RSPRY1: variants seen among roughly 807,000 people sequenced by gnomAD.
The protein encoded by RSPRY1 is RING finger and SPRY domain-containing protein 1.
A neutral mutation model predicts 73.1 loss-of-function variants in RSPRY1; 23 were observed. The observed-to-expected ratio is 0.31, with a 90% CI of 0.23 to 0.45. RSPRY1 has a LOEUF of 0.45. Among genes scored for constraint, RSPRY1 ranks in the 20% least tolerant of loss-of-function variants. The pLI is 1.00. For missense variants in RSPRY1, 448 were observed against 698.7 expected (o/e 0.64, Z 4.05); for synonymous variants, 226 against 251.4 (o/e 0.90, Z 0.95).
At chr16:57,202,604 A>G (rs2074639765) in intron 1 of RSPRY1, among the ~76,000 whole-genome samples, 1 of 152,104 alleles carries the variant, frequency 6.6e-6, no homozygotes, top group South Asian at 2.1e-4. Context: ...AGCTATTTCC[A>G]GCTGGTCCTT....
intron 1 of RSPRY1, among the ~76,000 whole-genome samples, chr16:57,199,682 A>G (rs2074523696): frequency 6.6e-6 from 1 of 152,130 alleles, no homozygotes; most frequent in Non-Finnish European, 1.5e-5. Flanking sequence ...AGGTTTCTAG[A>G]TAAAGATTTT....
At chr16:57,195,701 T>C (rs1315781522) in intron 1 of RSPRY1, among the ~76,000 whole-genome samples, 6 of 150,800 alleles carry the variant, frequency 4.0e-5, no homozygotes, top group African/African-American at 1.5e-4. Context: ...CTTCACCAGC[T>C]AATGTTGTCT....
intron 11 of RSPRY1, among the ~76,000 whole-genome samples, chr16:57,228,629 T>C (rs1267225721): frequency 1.3e-5 from 2 of 152,164 alleles, no homozygotes; most frequent in Non-Finnish European, 2.9e-5. Context: ...TATATGTATA[T>C]TTTTGTTGTT....
At chr16:57,238,352 AAGTT>A (rs1284256581) in intron 14 of RSPRY1, among the ~76,000 whole-genome samples, 22 of 152,326 alleles carry the variant, frequency 1.4e-4, no homozygotes, top group Non-Finnish European at 2.4e-4. Flanking sequence ...AAAATTCTGA[AAGTT>A]AGGGAGATGA....
At chr16:57,187,998 A>G (rs1178443260) in intron 1 of RSPRY1, among the ~76,000 whole-genome samples, 2 of 152,196 alleles carry the variant, frequency 1.3e-5, no homozygotes, top group African/African-American at 4.8e-5. Flanking sequence ...TTTTGCATAT[A>G]TATATGCATG....
At chr16:57,221,473 A>G (rs1178971763) in intron 10 of RSPRY1, 58 bp downstream of exon 10, 3 of 1,522,836 alleles carry the variant, frequency 2.0e-6, no homozygotes, top group Non-Finnish European at 2.7e-6. Flanking sequence ...TTTTCCCCCT[A>G]GTTGGTGGGT....
At chr16:57,231,987 T>C (rs1220498931) in intron 13 of RSPRY1, among the ~76,000 whole-genome samples, 1 of 152,262 alleles carries the variant, frequency 6.6e-6, no homozygotes, top group African/African-American at 2.4e-5. Context: ...AGACTCCAGC[T>C]GCTTCCTGGT....
Position 57,212,978 on chromosome 16 carries a change from C to T in RSPRY1, c.523C>T (p.Leu175Phe), listed in dbSNP as rs368166957. Reference sequence around the variant, plus strand: ...TTGTACTTTTTTGTTTTAGGATGCACTCCAGAAATTGACTGAAATTCTCAA... The same window carrying T: ...TTGTACTTTTTTGTTTTAGGATGCATTCCAGAAATTGACTGAAATTCTCAA... Reference protein sequence around the residue: ...DECPLPTKDALQKLTEILNLN... With the variant: ...DECPLPTKDAFQKLTEILNLN... Residue 175 changes from leucine (L) to phenylalanine (F), a missense_variant, in exon 5 of 15, where the codon CTC (leucine) becomes TTC (phenylalanine). Leu to Phe is a conservative substitution (Grantham distance 22). Transcript: ENST00000394420. 8 of 1,613,696 alleles carry T rather than the reference C, an allele frequency of 5.0e-6. No homozygotes were observed. The highest frequency in any genetic ancestry group is 1.3e-5 in the African/African-American group (1 of 74,896).
intron 13 of RSPRY1, among the ~76,000 whole-genome samples, chr16:57,233,079 A>G (rs530732361): frequency 6.6e-6 from 1 of 152,322 alleles, no homozygotes; most frequent in East Asian, 1.9e-4. Context: ...ATGTATATTC[A>G]GTGATACTTT....
At chr16:57,225,849 C>T (rs936934002) in intron 10 of RSPRY1, among the ~76,000 whole-genome samples, 1 of 152,110 alleles carries the variant, frequency 6.6e-6, no homozygotes. Flanking sequence ...GAGGCCGAGG[C>T]GGGCAGATCA....
intron 2 of RSPRY1, among the ~76,000 whole-genome samples, chr16:57,206,920 C>T (rs1490137654): frequency 6.6e-6 from 1 of 152,138 alleles, no homozygotes; most frequent in Non-Finnish European, 1.5e-5. Flanking sequence ...TTGTTTTTAA[C>T]TTTTCTCAAC....
At chr16:57,228,221 CGA>C (rs1313613541) in intron 11 of RSPRY1, among the ~76,000 whole-genome samples, 2 of 148,786 alleles carry the variant, frequency 1.3e-5, no homozygotes, top group Non-Finnish European at 3.0e-5. Context: ...TGCAATGAGC[CGA>C]GGTTGCGCCA....
At chr16:57,210,925 GGA>G (rs2074830985) in intron 4 of RSPRY1, among the ~76,000 whole-genome samples, 1 of 151,908 alleles carries the variant, frequency 6.6e-6, no homozygotes, top group South Asian at 2.1e-4. Context: ...GGCTGAGGTG[GGA>G]GGATCACTTG....
At chr16:57,227,548 G>A in intron 11 of RSPRY1, 95 bp downstream of exon 11, 1 of 848,112 alleles carries the variant, frequency 1.2e-6, no homozygotes, top group Non-Finnish European at 2.0e-6. Flanking sequence ...TGTCTTAGGA[G>A]AAGATCAAAT....
chr16:57,217,535 T>C (rs1207607126), intron 8 of RSPRY1, among the ~76,000 whole-genome samples: 1 of 152,230 alleles, frequency 6.6e-6, no homozygotes, highest in African/African-American at 2.4e-5. Context: ...CTACTATAGG[T>C]TGAGTTTCTC....
intron 10 of RSPRY1, among the ~76,000 whole-genome samples, chr16:57,226,557 A>G (rs1036962603): frequency 5.9e-5 from 9 of 152,158 alleles, no homozygotes; most frequent in Non-Finnish European, 4.4e-5. Flanking sequence ...GTAACTTCCA[A>G]ACTGCCATGA....
chr16:57,202,298 C>T (rs897010519), intron 1 of RSPRY1, among the ~76,000 whole-genome samples: 4 of 152,152 alleles, frequency 2.6e-5, no homozygotes, highest in East Asian at 1.9e-4. Context: ...TCCAAGATGG[C>T]GGCAAGCCTC....
At chr16:57,229,604 G>A (rs1390545106) in intron 11 of RSPRY1, among the ~76,000 whole-genome samples, 2 of 148,302 alleles carry the variant, frequency 1.3e-5, no homozygotes, top group Non-Finnish European at 1.5e-5. Context: ...GGGTAATGGA[G>A]CAAGACCCTG....
At chr16:57,206,801 G>GCGATTGT (rs1220068465) in intron 2 of RSPRY1, among the ~76,000 whole-genome samples, 1 of 152,178 alleles carries the variant, frequency 6.6e-6, no homozygotes, top group African/African-American at 2.4e-5. Flanking sequence ...CTGGACTCAA[G>GCGATTGT]CGATTGTCGA....
Sources: allele counts gnomAD v4.1 joint callset (sites outside exome capture counted in the v4.1 genomes callset), GRCh38; gene constraint gnomAD v4.1.1; transcripts MANE v1.5; gene names NCBI Gene and HGNC (gene_info 2026-07-23, HGNC 2026-07-21).